Variants in ASAP1 observed in about 807,000 individuals in gnomAD.
ASAP1 encodes arf-GAP with SH3 domain, ANK repeat and PH domain-containing protein 1.
ASAP1 carries 43 observed loss-of-function variants against 145.2 expected under a neutral mutation model. The observed-to-expected ratio is 0.30, with a 90% CI of 0.23 to 0.38. The LOEUF is 0.38. ASAP1 is among the 10% of genes least tolerant of loss of function. ASAP1 has a pLI of 1.00. For missense variants in ASAP1, 1,018 were observed against 1,355.3 expected, an observed-to-expected ratio of 0.75 and a Z score of 3.91; for synonymous variants, 546 against 515.5, an observed-to-expected ratio of 1.06 and a Z score of -0.80.
chr8:130,060,741 C>T lies in ASAP1; in HGVS notation c.3030G>A (p.Lys1010=), dbSNP rs557431519. The change falls in exon 28 of 30, where the codon AAG becomes AAA. Residue 1010 remains lysine, a synonymous_variant. Transcript: ENST00000518721. ...GTGTGACCTCAGAGGGTTGCTGAGCCTTGGGTGAGACATCTCCAGTCTGGG... is the reference window on the plus strand; with the variant it reads ...GTGTGACCTCAGAGGGTTGCTGAGCTTTGGGTGAGACATCTCCAGTCTGGG... ...AKSQTGDVSP[K]AQQPSEVTLK... is the part of the protein sequence containing the mutation. 2.5e-6 allele frequency: 4 copies of T among 1,614,104 alleles called. No individual in the cohort carries two copies. The East Asian group carries it at 6.7e-5, about 27-fold the overall frequency.
At chr8:130,206,018 T>C (rs1184080332) in intron 5 of ASAP1, among the ~76,000 whole-genome samples, 1 of 152,186 alleles carries the variant, frequency 6.6e-6, no homozygotes, top group Non-Finnish European at 1.5e-5. Flanking sequence ...AATTTTTATT[T>C]TAAAATTTTC....
At chr8:130,158,527 A>G (rs1174629697) in intron 12 of ASAP1, among the ~76,000 whole-genome samples, 1 of 152,026 alleles carries the variant, frequency 6.6e-6, no homozygotes, top group Non-Finnish European at 1.5e-5. Context: ...TCCCTCCAAA[A>G]AGACAATTAT....
At chr8:130,141,652 T>C (rs532283340) in intron 13 of ASAP1, among the ~76,000 whole-genome samples, 5 of 152,250 alleles carry the variant, frequency 3.3e-5, no homozygotes, top group Non-Finnish European at 5.9e-5. Flanking sequence ...GGCGAAGTGA[T>C]TGTCCTACCT....
intron 3 of ASAP1, among the ~76,000 whole-genome samples, chr8:130,296,553 T>C (rs1023437080): frequency 2.6e-5 from 4 of 151,186 alleles, no homozygotes; most frequent in Non-Finnish European, 5.9e-5. Flanking sequence ...TGTTTTGCCC[T>C]GCTGAGGAGC....
chr8:130,097,126 CAAAAAAAAAAAAA>C lies in ASAP1; in HGVS notation c.2402-4996_2402-4984del, dbSNP rs61591724. Among the ~76,000 whole-genome samples the C allele has an allele frequency of 1.3e-3, 72 of 53,596 alleles. 1 individual carries two copies. Among genetic ancestry groups the C allele is most frequent in the Middle Eastern group, 0.017 (1 of 60 alleles). The allele number at this position is 53,596 out of a possible 152,430, so 35.2% of individuals were successfully genotyped here. On this transcript the variant is annotated intron_variant, in intron 24 of 29. Coordinates refer to ENST00000518721, the MANE Select transcript of ASAP1 (RefSeq NM_018482.4). Reference sequence around the variant, plus strand: ...AGGAGACAGAGTGACAGTTAGTCTCCAAAAAAAAAAAAAAAAAAAAAAAAAAAAAAAAAAAGTC... The same window carrying C: ...AGGAGACAGAGTGACAGTTAGTCTCCAAAAAAAAAAAAAAAAAAAAAAGTC...
intron 14 of ASAP1, among the ~76,000 whole-genome samples, chr8:130,135,837 A>G (rs1377151737): frequency 6.6e-6 from 1 of 152,192 alleles, no homozygotes; most frequent in Non-Finnish European, 1.5e-5. Context: ...TCAATAACTC[A>G]ATAAATCTCT....
At chr8:130,182,060 T>C (rs1399633772) in intron 7 of ASAP1, among the ~76,000 whole-genome samples, 1 of 152,204 alleles carries the variant, frequency 6.6e-6, no homozygotes, top group African/African-American at 2.4e-5. Flanking sequence ...TTTAAGAAAC[T>C]CTTTAATCAT....
At chr8:130,209,681 C>T (rs1816455462) in intron 5 of ASAP1, among the ~76,000 whole-genome samples, 5 of 152,066 alleles carry the variant, frequency 3.3e-5, no homozygotes, top group Admixed American at 3.3e-4. Context: ...AGGAAGTATG[C>T]ATAAAGCCCT....
At chr8:130,409,756 AAAG>A (rs1327945611) in intron 1 of ASAP1, among the ~76,000 whole-genome samples, 7 of 152,220 alleles carry the variant, frequency 4.6e-5, no homozygotes, top group Non-Finnish European at 8.8e-5. Context: ...TTTCCTCTCC[AAAG>A]AAGAGGTCAC....
intron 3 of ASAP1, among the ~76,000 whole-genome samples, chr8:130,329,023 C>T (rs928478215): frequency 2.0e-5 from 3 of 152,158 alleles, no homozygotes; most frequent in African/African-American, 7.2e-5. Context: ...ATGATATCTG[C>T]TGGAATGGTT....
At chr8:130,107,132 G>C (rs1207126364) in intron 24 of ASAP1, among the ~76,000 whole-genome samples, 3 of 151,872 alleles carry the variant, frequency 2.0e-5, no homozygotes, top group African/African-American at 7.3e-5. Flanking sequence ...AGACAAGTAT[G>C]GGGCAGGATT....
chr8:130,270,520 T>C (rs951808837), intron 3 of ASAP1, among the ~76,000 whole-genome samples: 1 of 152,250 alleles, frequency 6.6e-6, no homozygotes, highest in Non-Finnish European at 1.5e-5. Flanking sequence ...AACTTATAAA[T>C]TCAAAGCTTT....
intron 28 of ASAP1, among the ~76,000 whole-genome samples, chr8:130,058,727 G>A (rs1223039099): frequency 6.6e-6 from 1 of 152,156 alleles, no homozygotes; most frequent in Admixed American, 6.5e-5. Context: ...ATGGGTTTTT[G>A]TTTTGCACCT....
intron 3 of ASAP1, among the ~76,000 whole-genome samples, chr8:130,289,737 C>A (rs1821837710): frequency 6.6e-6 from 1 of 152,204 alleles, no homozygotes; most frequent in African/African-American, 2.4e-5. Flanking sequence ...ATCCACAATC[C>A]TTTAGCTGGG....
At chr8:130,121,430 C>T (rs1044421722) in intron 18 of ASAP1, among the ~76,000 whole-genome samples, 4 of 152,176 alleles carry the variant, frequency 2.6e-5, no homozygotes, top group Non-Finnish European at 2.9e-5. Context: ...TATCTCCAGA[C>T]ATTGCCAAGT....
intron 3 of ASAP1, among the ~76,000 whole-genome samples, chr8:130,307,348 C>T (rs191580984): frequency 6.9e-5 from 10 of 145,320 alleles, no homozygotes; most frequent in African/African-American, 2.4e-4. Flanking sequence ...TTTATCTGAT[C>T]CTGTGGCAAA....
At chr8:130,306,625 G>A (rs940811461) in intron 3 of ASAP1, among the ~76,000 whole-genome samples, 4 of 152,118 alleles carry the variant, frequency 2.6e-5, no homozygotes, top group Non-Finnish European at 5.9e-5. Flanking sequence ...GGGCACAAGC[G>A]GAACAAACTC....
chr8:130,187,190 A>C, intron 7 of ASAP1, 46 bp downstream of exon 7: 1 of 1,526,224 alleles, frequency 6.6e-7, no homozygotes, highest in South Asian at 1.2e-5. Flanking sequence ...AAAATTCACA[A>C]CAATATTAAA....
intron 3 of ASAP1, among the ~76,000 whole-genome samples, chr8:130,348,581 T>A (rs1475868320): frequency 6.6e-6 from 1 of 152,198 alleles, no homozygotes; most frequent in Non-Finnish European, 1.5e-5. Context: ...TAAGACCAAG[T>A]AGAGTCAAGT....
Sources: gnomAD v4.1 joint callset for allele counts (sites outside exome capture counted in the v4.1 genomes callset) on GRCh38, gnomAD v4.1.1 for gene constraint, MANE v1.5 for transcripts, NCBI Gene and HGNC (gene_info 2026-07-23, HGNC 2026-07-21) for gene names.